NF1: variants seen among roughly 807,000 people sequenced by gnomAD.
The protein encoded by NF1 is neurofibromin.
In NF1, 122 loss-of-function variants were observed where a neutral mutation model predicts 325.7. The ratio of observed to expected loss-of-function variants is 0.37; its 90% CI spans 0.32 to 0.44. The LOEUF is 0.44. Among genes scored for constraint, NF1 ranks in the 20% least tolerant of loss-of-function variants. NF1 has a pLI of 1.00. For missense variants in NF1, 2,140 were observed against 3,415.4 expected (o/e 0.63, Z 9.31); for synonymous variants, 1,091 against 1,186.0 (o/e 0.92, Z 1.65).
chr17:31,211,907 T>C (rs2066734807), intron 12 of NF1, among the ~76,000 whole-genome samples: 1 of 152,164 alleles, frequency 6.6e-6, no homozygotes, highest in Non-Finnish European at 1.5e-5. Context: ...TACTTTTGCA[T>C]TTTTCTCATA....
chr17:31,369,369 T>C (rs2070590197), intron 57 of NF1, among the ~76,000 whole-genome samples: 2 of 152,238 alleles, frequency 1.3e-5, no homozygotes, highest in Non-Finnish European at 2.9e-5. Flanking sequence ...TGTCTTTATC[T>C]GGAACCACCA....
intron 2 of NF1, 125 bp downstream of exon 2, chr17:31,156,251 T>C (rs2065660704): frequency 1.7e-6 from 2 of 1,153,858 alleles, no homozygotes; most frequent in East Asian, 2.4e-5. Context: ...TAACCATTAA[T>C]CTTATTTTGT....
intron 30 of NF1, chr17:31,251,312 T>C (rs1194236415): frequency 1.9e-5 from 4 of 208,036 alleles, no homozygotes; most frequent in African/African-American, 9.1e-5. Context: ...GAAGTGAGTA[T>C]ATTGCTAGCT....
rs1041813642 is a variant in NF1 at position 31,338,211 on chromosome 17, T to A, written c.6819+72T>A. 503 of 1,096,584 alleles carry A rather than the reference T, an allele frequency of 4.6e-4. 2 individuals carry two copies. The highest frequency in any genetic ancestry group is 1.2e-3 in the Middle Eastern group (6 of 5,052). 67.9% of individuals were successfully genotyped at this position (1,096,584 alleles called of 1,614,324 possible). On this transcript the variant is annotated intron_variant, in intron 45 of 57. Coordinates refer to ENST00000358273, the MANE Select transcript of NF1 (RefSeq NM_001042492.3). ...TTGTAAAGCATATCTTTCATTTTTCTAAAAGACGTTTAAATTTGAGGTCAA... is the reference window on the plus strand; with the variant it reads ...TTGTAAAGCATATCTTTCATTTTTCAAAAAGACGTTTAAATTTGAGGTCAA...
chr17:31,136,323 T>C, intron 1 of NF1: 1 of 105,280 alleles, frequency 9.5e-6, no homozygotes. Context: ...AGCAAGACTC[T>C]GTCTCAAAAA....
intron 48 of NF1, among the ~76,000 whole-genome samples, chr17:31,344,575 TGAGA>T (rs976998476): frequency 2.0e-5 from 3 of 151,906 alleles, no homozygotes; most frequent in Admixed American, 6.6e-5. Flanking sequence ...CCAGTTTTTA[TGAGA>T]GAGAGAGAGA....
chr17:31,206,085 C>T lies in NF1; in HGVS notation c.1261-155C>T, dbSNP rs556524972. Among the ~76,000 whole-genome samples, 4 of 152,176 alleles carry T rather than the reference C, an allele frequency of 2.6e-5. No homozygotes were observed. The South Asian group carries it at 6.2e-4, about 24-fold the overall frequency. ...TATGAGTTAGTGTTTGAATTAAAGA[C>T]GTTGTTTGAAGACTTTGGAAATCAT... On this transcript the variant is annotated intron_variant, in intron 11 of 57. Transcript: ENST00000358273.
chr17:31,261,931 T>C (rs2151466769), intron 35 of NF1, 74 bp downstream of exon 35: 2 of 1,439,684 alleles, frequency 1.4e-6, no homozygotes. Flanking sequence ...AGGCCACTTG[T>C]TAGATATGAT....
intron 1 of NF1, among the ~76,000 whole-genome samples, chr17:31,121,395 C>CTTTCTTTTTTTT (rs1914417245): frequency 1.1e-5 from 1 of 92,528 alleles, no homozygotes; most frequent in African/African-American, 4.5e-5. Context: ...AATCACTATT[C>CTTTCTTTTTTTT]TTTTTTTTTT....
At chr17:31,356,138 A>T in intron 51 of NF1, 1 of 283,842 alleles carries the variant, frequency 3.5e-6, no homozygotes, top group South Asian at 4.0e-5. Context: ...AATAATGCCT[A>T]CCATTGCATT....
intron 20 of NF1, among the ~76,000 whole-genome samples, chr17:31,228,299 G>A (rs1597714364): frequency 6.6e-6 from 1 of 152,126 alleles, no homozygotes; most frequent in Non-Finnish European, 1.5e-5. Context: ...ATAAAAACTG[G>A]TTGTTCCTCC....
intron 1 of NF1, among the ~76,000 whole-genome samples, chr17:31,150,729 T>C (rs1294791835): frequency 3.3e-5 from 5 of 152,160 alleles, no homozygotes; most frequent in Non-Finnish European, 5.9e-5. Flanking sequence ...TCAGTTCTTT[T>C]AGAAAACACA....
intron 57 of NF1, among the ~76,000 whole-genome samples, chr17:31,361,813 T>C (rs1207878701): frequency 6.6e-6 from 1 of 152,236 alleles, no homozygotes; most frequent in East Asian, 1.9e-4. Flanking sequence ...CAATACCCAA[T>C]TCATATTATA....
chr17:31,203,617 T>C (rs561445873), intron 11 of NF1, among the ~76,000 whole-genome samples: 2 of 152,322 alleles, frequency 1.3e-5, no homozygotes, highest in African/African-American at 4.8e-5. Context: ...ACATTTATTA[T>C]GGCAATATTT....
chr17:31,276,472 C>T (rs1243156338), intron 36 of NF1, among the ~76,000 whole-genome samples: 1 of 152,022 alleles, frequency 6.6e-6, no homozygotes, highest in African/African-American at 2.4e-5. Flanking sequence ...TTCATAATCC[C>T]TTGTCTGTAA....
Position 31,232,205 on chromosome 17 carries a change from C to G in NF1, c.3314+16C>G. 6.6e-7 allele frequency: 1 copy of G among 1,508,198 alleles called. No homozygotes were observed. The allele number at this position is 1,508,198 out of a possible 1,614,324, so 93.4% of individuals were successfully genotyped here. On this transcript the variant is annotated intron_variant, in intron 25 of 57. Transcript: ENST00000358273. ...TATTTCTTAAGTAAATTTCAGTCAC[C>G]AAAAAACATAAAGCAAAAAGCAAAT...
intron 54 of NF1, chr17:31,357,699 G>T (rs1228144147): frequency 1.4e-5 from 5 of 349,712 alleles, no homozygotes; most frequent in Non-Finnish European, 2.7e-5. Flanking sequence ...TTTTAGTAGA[G>T]CTTTTGTATT....
At chr17:31,116,719 GTGCAGTGGCGCCATCTCCGCTCAC>G (rs1007899361) in intron 1 of NF1, among the ~76,000 whole-genome samples, 3 of 152,030 alleles carry the variant, frequency 2.0e-5, no homozygotes, top group Non-Finnish European at 4.4e-5. Flanking sequence ...CCAGGCTGGA[GTGCAGTGGCGCCATCTCCGCTCAC>G]TGCAAGCTCC....
intron 39 of NF1, chr17:31,334,586 A>T (rs2069591840): frequency 2.2e-6 from 1 of 453,856 alleles, no homozygotes; most frequent in African/African-American, 2.0e-5. Flanking sequence ...TTTTAACAAG[A>T]AAGGACTAAA....
Sources: allele counts gnomAD v4.1 joint callset (sites outside exome capture counted in the v4.1 genomes callset), GRCh38; gene constraint gnomAD v4.1.1; transcripts MANE v1.5; gene names NCBI Gene and HGNC (gene_info 2026-07-23, HGNC 2026-07-21).